The following ATAD2B variants were observed in gnomAD, a reference collection of about 807,000 sequenced individuals.
The protein encoded by ATAD2B is ATPase family AAA domain-containing protein 2B.
A neutral mutation model predicts 167.6 loss-of-function variants in ATAD2B; 40 were observed. The ratio of observed to expected loss-of-function variants is 0.24; its 90% CI spans 0.19 to 0.31. The LOEUF is 0.31. Among genes scored for constraint, ATAD2B ranks in the 10% least tolerant of loss-of-function variants. The probability of loss-of-function intolerance (pLI) is 1.00; values close to 1 mark genes in which losing one functional copy is unlikely to be tolerated. For missense variants in ATAD2B, 1,242 were observed against 1,757.2 expected (o/e 0.71, Z 5.24); for synonymous variants, 579 against 596.5 (o/e 0.97, Z 0.43).
intron 11 of ATAD2B, among the ~76,000 whole-genome samples, chr2:23,864,528 C>A (rs2150048296): frequency 6.6e-6 from 1 of 152,166 alleles, no homozygotes; most frequent in Middle Eastern, 3.4e-3. Context: ...GCACTGGGAG[C>A]CAAATTCAGA....
intron 13 of ATAD2B, among the ~76,000 whole-genome samples, chr2:23,837,324 G>A (rs934223354): frequency 6.6e-6 from 1 of 152,238 alleles, no homozygotes; most frequent in Non-Finnish European, 1.5e-5. Flanking sequence ...ATCCTGCAGG[G>A]ACAGGGGAAG....
chr2:23,919,915 C>T (rs966672885), intron 1 of ATAD2B, among the ~76,000 whole-genome samples: 1 of 151,628 alleles, frequency 6.6e-6, no homozygotes, highest in African/African-American at 2.4e-5. Context: ...CTTTCGGAGG[C>T]CGAGGCAGGC....
chr2:23,711,865 T>G, the ATAD2B span, among the ~76,000 whole-genome samples: 2 of 152,196 alleles, frequency 1.3e-5, no homozygotes, highest in African/African-American at 4.8e-5. Context: ...TCTCCTCTAA[T>G]TGAACCTTAA....
At chr2:23,803,331 C>T (rs1207919341) in intron 18 of ATAD2B, among the ~76,000 whole-genome samples, 1 of 151,088 alleles carries the variant, frequency 6.6e-6, no homozygotes, top group East Asian at 1.9e-4. Context: ...CACACACACA[C>T]ACACACACGC....
the ATAD2B span, among the ~76,000 whole-genome samples, chr2:23,682,286 G>T: frequency 6.6e-6 from 1 of 152,182 alleles, no homozygotes; most frequent in Non-Finnish European, 1.5e-5. This position sits in a 1 kb window ranked among gnomAD's most constrained non-coding sequence, Gnocchi z 4.1. Context: ...CCCGCCACAT[G>T]CTGTCTCATG....
chr2:23,815,486 G>A (rs970648566), intron 17 of ATAD2B, among the ~76,000 whole-genome samples: 4 of 152,106 alleles, frequency 2.6e-5, no homozygotes, highest in African/African-American at 9.7e-5. Context: ...AGCTATGTAC[G>A]GAAAGATCCA....
chr2:23,781,100 G>A (rs1456920701), intron 22 of ATAD2B, among the ~76,000 whole-genome samples: 1 of 151,714 alleles, frequency 6.6e-6, no homozygotes, highest in Non-Finnish European at 1.5e-5. Flanking sequence ...AGGCCTCGGC[G>A]TACTACAATT....
chr2:23,692,201 C>T, the ATAD2B span, among the ~76,000 whole-genome samples: 1 of 152,244 alleles, frequency 6.6e-6, no homozygotes, highest in African/African-American at 2.4e-5. Context: ...GGCTATGGCC[C>T]TGGCCTCACA....
At chr2:23,881,583 G>A (rs778579391) in intron 6 of ATAD2B, among the ~76,000 whole-genome samples, 1 of 151,882 alleles carries the variant, frequency 6.6e-6, no homozygotes, top group African/African-American at 2.4e-5. Flanking sequence ...AGATGGTCTC[G>A]AACTCCAGAC....
chr2:23,919,845 CA>C (rs369120454), intron 1 of ATAD2B, among the ~76,000 whole-genome samples: 1,471 of 91,804 alleles, frequency 0.016, 4 homozygotes, highest in African/African-American at 0.043. Flanking sequence ...AACTCTGTTT[CA>C]AAAAAAAAAA....
chr2:23,820,876 G>A (rs1477507602), intron 16 of ATAD2B, among the ~76,000 whole-genome samples: 1 of 152,092 alleles, frequency 6.6e-6, no homozygotes, highest in Admixed American at 6.6e-5. Flanking sequence ...GTGAACCCAG[G>A]AGGCGGAGCT....
chr2:23,783,516 T>C (rs1233928224), intron 21 of ATAD2B, among the ~76,000 whole-genome samples: 1 of 152,136 alleles, frequency 6.6e-6, no homozygotes, highest in African/African-American at 2.4e-5. Flanking sequence ...TATTTTCCAC[T>C]CCTTTGGAGT....
the ATAD2B span, among the ~76,000 whole-genome samples, chr2:23,712,594 G>A: frequency 0.047 from 7,144 of 152,128 alleles, 229 homozygotes; most frequent in Middle Eastern, 0.075. Context: ...CAGCAGCCTC[G>A]GCCCCAAAGG....
At chr2:23,679,600 C>T in the ATAD2B span, among the ~76,000 whole-genome samples, 2 of 142,702 alleles carry the variant, frequency 1.4e-5, no homozygotes, top group Non-Finnish European at 3.2e-5. Context: ...TATTTGCCAT[C>T]CATCACACCA....
At chr2:23,766,024 T>C (rs1204741221) in intron 22 of ATAD2B, among the ~76,000 whole-genome samples, 4 of 152,174 alleles carry the variant, frequency 2.6e-5, no homozygotes, top group African/African-American at 9.6e-5. Context: ...CAAAAAAATC[T>C]TAAATTTCTC....
intron 22 of ATAD2B, among the ~76,000 whole-genome samples, chr2:23,770,333 T>C (rs62125864): frequency 1.7e-3 from 46 of 26,286 alleles, no homozygotes; most frequent in Non-Finnish European, 3.1e-3. Context: ...AATAAACAAA[T>C]AAATAAATAA....
intron 3 of ATAD2B, 50 bp from the exon 4 acceptor site, chr2:23,888,035 A>T (rs752767064): frequency 2.2e-6 from 3 of 1,355,824 alleles, no homozygotes; most frequent in Non-Finnish European, 2.9e-6. Context: ...ACAGAAAGAC[A>T]GAAAAGAAAA....
intron 12 of ATAD2B, among the ~76,000 whole-genome samples, chr2:23,861,212 G>A (rs868053688): frequency 4.1e-5 from 6 of 145,594 alleles, no homozygotes; most frequent in South Asian, 2.2e-4. Context: ...GGCATATTAC[G>A]TGCCAGTCAC....
At chr2:23,685,706 G>A in the ATAD2B span, among the ~76,000 whole-genome samples, 2 of 152,184 alleles carry the variant, frequency 1.3e-5, no homozygotes, top group Non-Finnish European at 2.9e-5. Context: ...TCCTGCCCCC[G>A]GTGCTTGGGC....
Sources: gnomAD v4.1 joint callset for allele counts (sites outside exome capture counted in the v4.1 genomes callset) on GRCh38, gnomAD v4.1.1 for gene constraint, Gnocchi (gnomAD v3.1) non-coding constraint, MANE v1.5 for transcripts, NCBI Gene and HGNC (gene_info 2026-07-23, HGNC 2026-07-21) for gene names.